LY96: variants seen among roughly 807,000 people sequenced by gnomAD.
The protein encoded by LY96 is lymphocyte antigen 96.
Under a neutral mutation model 18.9 loss-of-function variants are expected in LY96, and 18 were observed. The observed-to-expected ratio is 0.95, with a 90% CI of 0.66 to 1.41. The LOEUF (loss-of-function observed/expected upper bound fraction) is 1.41, where lower values mean the gene tolerates loss of function less well. Ranked by LOEUF, LY96 falls within the 40% of genes most tolerant of loss-of-function variation. LY96 has a pLI of 0.00. For missense variants in LY96, 175 were observed against 182.4 expected, an observed-to-expected ratio of 0.96 and a Z score of 0.23; for synonymous variants, 66 against 62.6, an observed-to-expected ratio of 1.06 and a Z score of -0.26.
the LY96 span, among the ~76,000 whole-genome samples, chr8:74,046,903 CTTTTTT>C: frequency 7.4e-6 from 1 of 135,172 alleles, no homozygotes; most frequent in African/African-American, 2.8e-5. Flanking sequence ...CATTCTCATT[CTTTTTT>C]TTTTTTTTTT....
At chr8:74,054,201 ATT>A in the LY96 span, among the ~76,000 whole-genome samples, 1 of 151,870 alleles carries the variant, frequency 6.6e-6, no homozygotes, top group African/African-American at 2.4e-5. Flanking sequence ...TATTTACAAG[ATT>A]TTTTGTAGAA....
chr8:74,001,198 A>G (rs1816257070), intron 1 of LY96, among the ~76,000 whole-genome samples: 2 of 151,696 alleles, frequency 1.3e-5, no homozygotes. Context: ...CTGGGCAACA[A>G]AGAAAGCCTC....
chr8:74,059,756 T>C, the LY96 span, among the ~76,000 whole-genome samples: 1 of 152,226 alleles, frequency 6.6e-6, no homozygotes, highest in Non-Finnish European at 1.5e-5. Flanking sequence ...AGAACAGCTT[T>C]ATGATCTCAG....
chr8:74,089,935 G>A, the LY96 span, among the ~76,000 whole-genome samples: 4 of 152,104 alleles, frequency 2.6e-5, no homozygotes, highest in South Asian at 6.2e-4. Flanking sequence ...AGAAAGAGTG[G>A]GGAGGACAGG....
At chr8:74,060,426 G>A in the LY96 span, among the ~76,000 whole-genome samples, 14 of 152,278 alleles carry the variant, frequency 9.2e-5, no homozygotes, top group South Asian at 2.1e-3. Flanking sequence ...ACTTTCAGTC[G>A]GGGTAATTAT....
the LY96 span, among the ~76,000 whole-genome samples, chr8:74,094,196 G>T: frequency 2.6e-5 from 4 of 152,074 alleles, no homozygotes; most frequent in South Asian, 8.3e-4. Flanking sequence ...TAAAATGTGT[G>T]GGTTGGCAAG....
the LY96 span, among the ~76,000 whole-genome samples, chr8:74,054,326 C>T: frequency 5.3e-5 from 8 of 151,980 alleles, 1 homozygote; most frequent in African/African-American, 1.9e-4. Flanking sequence ...CCGTGCTTGG[C>T]CAACTTCTTT....
chr8:74,034,681 T>C, the LY96 span, among the ~76,000 whole-genome samples: 2 of 152,118 alleles, frequency 1.3e-5, no homozygotes, highest in African/African-American at 2.4e-5. Context: ...TTCTGAAGAG[T>C]AGAGATGCGA....
intron 1 of LY96, among the ~76,000 whole-genome samples, chr8:74,002,573 C>CTTTTTTTTT (rs750666985): frequency 7.6e-6 from 1 of 131,426 alleles, no homozygotes; most frequent in African/African-American, 2.8e-5. Context: ...TTATTTATTT[C>CTTTTTTTTT]TTTTTTTTTT....
the LY96 span, among the ~76,000 whole-genome samples, chr8:74,044,871 T>C: frequency 6.6e-6 from 1 of 152,264 alleles, no homozygotes; most frequent in Non-Finnish European, 1.5e-5. Context: ...TTCTTTTACA[T>C]TCCCATGAAT....
chr8:74,051,001 C>T, the LY96 span, among the ~76,000 whole-genome samples: 191 of 152,208 alleles, frequency 1.3e-3, 1 homozygote, highest in African/African-American at 4.1e-3. Context: ...CCAGCCTGAG[C>T]GACAGAGTGA....
At chr8:74,022,422 C>CAA (rs146321254) in intron 3 of LY96, among the ~76,000 whole-genome samples, 1 of 143,178 alleles carries the variant, frequency 7.0e-6, no homozygotes, top group African/African-American at 2.6e-5. Context: ...AAAGAAAAAC[C>CAA]AAAAAAAAAG....
downstream of LY96, among the ~76,000 whole-genome samples, chr8:74,029,543 A>C (rs1030258353): frequency 1.3e-5 from 2 of 152,130 alleles, no homozygotes; most frequent in Non-Finnish European, 2.9e-5. Flanking sequence ...TTTGCTCTGC[A>C]CTTCACCTTC....
chr8:74,034,831 T>TGAGA, the LY96 span, among the ~76,000 whole-genome samples: 1 of 152,072 alleles, frequency 6.6e-6, no homozygotes, highest in Non-Finnish European at 1.5e-5. Flanking sequence ...TAAGGGCCAG[T>TGAGA]TTTGAGGGAT....
chr8:74,040,796 G>A, the LY96 span, among the ~76,000 whole-genome samples: 19 of 143,678 alleles, frequency 1.3e-4, no homozygotes, highest in South Asian at 2.3e-4. Flanking sequence ...TCTACCTCCC[G>A]GGTTCAAGCA....
the LY96 span, among the ~76,000 whole-genome samples, chr8:74,048,298 G>T: frequency 2.7e-5 from 4 of 145,632 alleles, no homozygotes; most frequent in South Asian, 2.1e-4. Flanking sequence ...TTTTGCTCTT[G>T]TCGCCTAGGC....
At position 74,018,195 on chromosome 8, in the gene LY96, G is replaced by C. The variant is rs1005831917; in HGVS notation, c.331+8066G>C. Among the ~76,000 whole-genome samples, 17 of 151,384 alleles carry C rather than the reference G, an allele frequency of 1.1e-4. 1 individual carries two copies. In the Middle Eastern group the frequency reaches 0.01, roughly 91 times the overall value. ...AGACACACATAGGCTCAAAATAAAG[G>C]GATGGAGGAAGATCTACCAAGCAAA... On this transcript the variant is annotated intron_variant, in intron 3 of 4. Coordinates refer to ENST00000284818, the MANE Select transcript of LY96 (RefSeq NM_015364.5).
the LY96 span, among the ~76,000 whole-genome samples, chr8:74,097,540 T>C: frequency 6.6e-6 from 1 of 151,974 alleles, no homozygotes; most frequent in Admixed American, 6.6e-5. Context: ...AAACCCCGTC[T>C]CTCCTAAAAA....
intron 4 of LY96, 64 bp downstream of exon 4, chr8:74,026,905 G>T: frequency 2.4e-6 from 2 of 826,778 alleles, no homozygotes; most frequent in South Asian, 1.5e-5. Flanking sequence ...TTAAGCATTT[G>T]AAACAAGCAA....
Sources: allele counts gnomAD v4.1 joint callset (sites outside exome capture counted in the v4.1 genomes callset), GRCh38; gene constraint gnomAD v4.1.1; transcripts MANE v1.5; gene names NCBI Gene and HGNC (gene_info 2026-07-23, HGNC 2026-07-21).